Variants in NRXN1 observed in about 807,000 individuals in gnomAD.
The protein encoded by NRXN1 is neurexin 1.
Under a neutral mutation model 150.9 loss-of-function variants are expected in NRXN1, and 39 were observed. That is an observed-to-expected ratio of 0.26 (90% CI 0.20 to 0.34). NRXN1 has a LOEUF of 0.34. Ranked by LOEUF, NRXN1 falls within the 10% of genes least tolerant of loss-of-function variation. The probability of loss-of-function intolerance (pLI) is 1.00; values close to 1 mark genes in which losing one functional copy is unlikely to be tolerated. For synonymous variants in NRXN1, 924 were observed against 757.0 expected (o/e 1.22, Z -3.62); for missense variants, 1,815 against 1,949.9 (o/e 0.93, Z 1.30).
In NRXN1 at chr2:50,791,314, C is replaced by CAAAAAA. The variant is rs60728323; in HGVS notation, c.832+130549_832+130554dup. Among the ~76,000 whole-genome samples, 234 of 111,568 alleles carry CAAAAAA rather than the reference C, an allele frequency of 2.1e-3. 2 individuals are homozygous for CAAAAAA. Among genetic ancestry groups the CAAAAAA allele is most frequent in the African/African-American group, 7.8e-3 (223 of 28,468 alleles). The allele number at this position is 111,568 out of a possible 152,430, so 73.2% of individuals were successfully genotyped here. A position where few individuals can be genotyped will look rare whatever the true frequency, so the allele number is the denominator to read the frequency against. ...ACAGGAGATTCCAAACTGCTTGCTACAAAAAAAAAAAAAAAAAAATCCTTA... is the reference window on the plus strand; with the variant it reads ...ACAGGAGATTCCAAACTGCTTGCTACAAAAAAAAAAAAAAAAAAAAAAAAATCCTTA... On this transcript the variant is annotated intron_variant, in intron 5 of 22. Coordinates refer to ENST00000401669, the MANE Select transcript of NRXN1 (RefSeq NM_001330078.2).
intron 2 of NRXN1, among the ~76,000 whole-genome samples, chr2:50,978,133 C>T (rs945688158): frequency 6.7e-6 from 1 of 150,324 alleles, no homozygotes; most frequent in African/African-American, 2.4e-5. Flanking sequence ...TATATATATT[C>T]ATTTTAAACA....
At chr2:50,145,260 T>C (rs1707835077) in intron 18 of NRXN1, among the ~76,000 whole-genome samples, 1 of 151,202 alleles carries the variant, frequency 6.6e-6, no homozygotes. Flanking sequence ...AGGATTTTTC[T>C]CAATTTATTT....
chr2:50,707,066 T>A (rs1438797023), intron 5 of NRXN1, among the ~76,000 whole-genome samples: 1 of 152,180 alleles, frequency 6.6e-6, no homozygotes, highest in African/African-American at 2.4e-5. Flanking sequence ...ATGATTCTGG[T>A]CATACATTTT....
Position 49,921,686 on chromosome 2 carries a change from AAAGAC to A in NRXN1, c.*253_*257del. 1 of 473,798 alleles carries A rather than the reference AAAGAC, an allele frequency of 2.1e-6. No individual in the cohort carries two copies. Among genetic ancestry groups the A allele is most frequent in the South Asian group, 2.5e-5 (1 of 39,472 alleles). 29.3% of individuals were successfully genotyped at this position (473,798 alleles called of 1,614,324 possible). A position where few individuals can be genotyped will look rare whatever the true frequency, so the allele number is the denominator to read the frequency against. On this transcript the variant is annotated 3_prime_UTR_variant, in exon 23 of 23. Coordinates refer to ENST00000401669, the MANE Select transcript of NRXN1 (RefSeq NM_001330078.2). Reference sequence around the variant, plus strand: ...TCTTTTAGAAATGTTCCAGCAACATAAAGACAAGCAGAGTAAATGAAAACACTGTG... The same window carrying A: ...TCTTTTAGAAATGTTCCAGCAACATAAAGCAGAGTAAATGAAAACACTGTG...
chr2:50,843,843 C>T (rs1673227027), intron 5 of NRXN1, among the ~76,000 whole-genome samples: 1 of 152,166 alleles, frequency 6.6e-6, no homozygotes. Flanking sequence ...AACCCCTTCC[C>T]TCAAACGTCT....
chr2:50,669,245 C>A (rs1054949037), intron 5 of NRXN1, among the ~76,000 whole-genome samples: 1 of 151,888 alleles, frequency 6.6e-6, no homozygotes, highest in African/African-American at 2.4e-5. Flanking sequence ...TGGTGGAGCT[C>A]AGTTTATTAA....
Position 51,028,323 on chromosome 2 carries a change from A to G in NRXN1, c.-50T>C. 3.9e-6 allele frequency: 5 copies of G among 1,289,326 alleles called. No individual in the cohort carries two copies. Among genetic ancestry groups the G allele is most frequent in the Non-Finnish European group, 5.1e-6 (5 of 972,664 alleles). The allele number at this position is 1,289,326 out of a possible 1,614,324, so 79.9% of individuals were successfully genotyped here. On this transcript the variant is annotated 5_prime_UTR_variant, in exon 2 of 23. Coordinates refer to ENST00000401669, the MANE Select transcript of NRXN1 (RefSeq NM_001330078.2). ...GGGTGCCGGGGCCGACAGGGTCAAA[A>G]TGGTCCTGGACACCGTGACGAAGAA...
chr2:50,123,193 A>G (rs190656493), intron 18 of NRXN1, among the ~76,000 whole-genome samples: 2 of 152,298 alleles, frequency 1.3e-5, no homozygotes, highest in East Asian at 3.9e-4. Flanking sequence ...AGGAACAGAA[A>G]ATAACTTCAA....
At chr2:50,696,135 A>C (rs755273309) in intron 5 of NRXN1, 1 of 151,442 alleles carries the variant, frequency 6.6e-6, no homozygotes, top group Non-Finnish European at 1.5e-5. Context: ...GAGCCACCAC[A>C]CCCAGTCGAC....
intron 18 of NRXN1, among the ~76,000 whole-genome samples, chr2:50,110,064 T>C (rs1286247570): frequency 1.3e-5 from 2 of 152,166 alleles, no homozygotes; most frequent in African/African-American, 2.4e-5. Flanking sequence ...GAAGATGGCA[T>C]GGGAATAAGG....
intron 8 of NRXN1, among the ~76,000 whole-genome samples, chr2:50,586,999 G>C (rs944984059): frequency 2.0e-5 from 3 of 152,112 alleles, no homozygotes; most frequent in Admixed American, 1.3e-4. Flanking sequence ...TCCAAAGAAA[G>C]AAAATACTAG....
rs116274287 is a variant in NRXN1, at chr2:49,925,328, G to T, written c.4217-3077C>A. Among the ~76,000 whole-genome samples the T allele has an allele frequency of 8.5e-3, 1,281 of 151,510 alleles. 25 individuals are homozygous for T. Among genetic ancestry groups the T allele is most frequent in the African/African-American group, 0.029 (1,198 of 41,288 alleles). ...GAAAGAAATATTTATGTATTAATGG[G>T]ACATCTCTCCCAGATATGCAATAAC... is the stretch of plus-strand genomic sequence containing the variant. On this transcript the variant is annotated intron_variant, in intron 22 of 22. Coordinates refer to ENST00000401669, the MANE Select transcript of NRXN1 (RefSeq NM_001330078.2).
chr2:50,403,360 T>C (rs2082526011), intron 17 of NRXN1, among the ~76,000 whole-genome samples: 2 of 152,200 alleles, frequency 1.3e-5, no homozygotes, highest in South Asian at 2.1e-4. Context: ...TTATTAGAAA[T>C]AAGGAATCTT....
chr2:50,358,725 G>C (rs973129457), intron 17 of NRXN1, among the ~76,000 whole-genome samples: 17 of 152,228 alleles, frequency 1.1e-4, no homozygotes, highest in African/African-American at 4.1e-4. Flanking sequence ...CATCGCTGGA[G>C]CTCTGCTAAG....
intron 5 of NRXN1, among the ~76,000 whole-genome samples, chr2:50,863,742 T>C (rs1466731892): frequency 6.6e-6 from 1 of 152,086 alleles, no homozygotes; most frequent in Non-Finnish European, 1.5e-5. Context: ...ATTGAGTTGA[T>C]TGTTTATCAT....
intron 5 of NRXN1, among the ~76,000 whole-genome samples, chr2:50,825,294 T>C (rs1381809987): frequency 1.3e-5 from 2 of 152,208 alleles, no homozygotes; most frequent in African/African-American, 4.8e-5. Context: ...GTGATAAGAA[T>C]ATCATTTGTA....
At chr2:50,557,210 A>C (rs991064293) in intron 8 of NRXN1, among the ~76,000 whole-genome samples, 1 of 152,194 alleles carries the variant, frequency 6.6e-6, no homozygotes, top group Non-Finnish European at 1.5e-5. Context: ...TTCAGTGTGA[A>C]AATATTTGCC....
chr2:50,705,474 A>T (rs990967118), intron 5 of NRXN1, among the ~76,000 whole-genome samples: 2 of 152,194 alleles, frequency 1.3e-5, no homozygotes, highest in Non-Finnish European at 2.9e-5. Context: ...TAAGTGCTCC[A>T]CAATTATGTG....
intron 5 of NRXN1, among the ~76,000 whole-genome samples, chr2:50,761,913 C>T (rs1447154239): frequency 2.0e-5 from 3 of 151,850 alleles, no homozygotes; most frequent in Non-Finnish European, 4.4e-5. Context: ...AGCTTTTGGA[C>T]TCTTGGACCT....
Sources: gnomAD v4.1 joint callset for allele counts (sites outside exome capture counted in the v4.1 genomes callset) on GRCh38, gnomAD v4.1.1 for gene constraint, MANE v1.5 for transcripts, NCBI Gene and HGNC (gene_info 2026-07-23, HGNC 2026-07-21) for gene names.